Variants in VPS35L observed in about 807,000 individuals in gnomAD.
VPS35L encodes VPS35 endosomal protein sorting factor like, also known as VPS35 endosomal protein-sorting factor-like.
In VPS35L, 83 loss-of-function variants were observed where a neutral mutation model predicts 133.0. The ratio of observed to expected loss-of-function variants is 0.62; its 90% CI spans 0.52 to 0.75. The LOEUF (loss-of-function observed/expected upper bound fraction) is 0.75, where lower values mean the gene tolerates loss of function less well. VPS35L is among the 30% of genes least tolerant of loss of function. The probability of loss-of-function intolerance (pLI) is 0.00; values close to 1 mark genes in which losing one functional copy is unlikely to be tolerated. For missense variants in VPS35L, 1,083 were observed against 1,206.8 expected, an observed-to-expected ratio of 0.90 and a Z score of 1.52; for synonymous variants, 423 against 449.9, an observed-to-expected ratio of 0.94 and a Z score of 0.76.
rs1972596565 is a variant in VPS35L, at chr16:19,608,218, A to G, written c.825A>G (p.Glu275=). The G allele has an allele frequency of 6.2e-7, 1 of 1,613,554 alleles. No individual in the cohort carries two copies. The highest frequency in any genetic ancestry group is 1.3e-5 in the African/African-American group (1 of 74,876). ...SPENANDTAK[E]TCLNWFFKIA... is the part of the protein sequence containing the mutation. ...AGAATGCAAATGACACGGCCAAGGAAACATGCCTAAATTGGTTTTTCAAGA... is the reference window on the plus strand; with the variant it reads ...AGAATGCAAATGACACGGCCAAGGAGACATGCCTAAATTGGTTTTTCAAGA... Residue 275 remains glutamate (E), a synonymous_variant, in exon 10 of 31, where the codon GAA becomes GAG. Coordinates refer to ENST00000417362, the MANE Select transcript of VPS35L (RefSeq NM_020314.7).
chr16:19,556,627 A>C (rs1970864867), intron 1 of VPS35L, among the ~76,000 whole-genome samples: 1 of 152,212 alleles, frequency 6.6e-6, no homozygotes, highest in African/African-American at 2.4e-5. Context: ...AAATGATGTG[A>C]AGTAGCTTAG....
chr16:19,614,986 A>G (rs925903171), intron 12 of VPS35L, among the ~76,000 whole-genome samples: 1 of 152,248 alleles, frequency 6.6e-6, no homozygotes, highest in African/African-American at 2.4e-5. Context: ...ATAAAATTGC[A>G]TAAAATGTAT....
intron 28 of VPS35L, among the ~76,000 whole-genome samples, chr16:19,691,051 A>G (rs1975658553): frequency 6.6e-6 from 1 of 152,102 alleles, no homozygotes; most frequent in Non-Finnish European, 1.5e-5. Context: ...GCCCTAGCCC[A>G]GTGCCTGGCA....
At chr16:19,613,431 T>C (rs1241675779) in intron 12 of VPS35L, among the ~76,000 whole-genome samples, 1 of 152,222 alleles carries the variant, frequency 6.6e-6, no homozygotes. Flanking sequence ...AGGCCAGGGT[T>C]AGTGCAGGCA....
chr16:19,695,531 C>T (rs1975875812), intron 29 of VPS35L, among the ~76,000 whole-genome samples: 1 of 152,012 alleles, frequency 6.6e-6, no homozygotes, highest in Non-Finnish European at 1.5e-5. Flanking sequence ...AGAAAAACAT[C>T]GGTCAGGCAT....
intron 26 of VPS35L, among the ~76,000 whole-genome samples, chr16:19,663,669 C>CT (rs59826351): frequency 0.018 from 1,179 of 63,964 alleles, 54 homozygotes; most frequent in Non-Finnish European, 0.025. Context: ...GCAGTAATTT[C>CT]TTTTTTTTTT....
chr16:19,684,683 G>A (rs547670758), intron 28 of VPS35L, among the ~76,000 whole-genome samples: 2 of 152,164 alleles, frequency 1.3e-5, no homozygotes, highest in African/African-American at 4.8e-5. Flanking sequence ...TATACTCCAG[G>A]GCTTCCGGTA....
At chr16:19,676,695 C>T (rs1360856790) in intron 27 of VPS35L, among the ~76,000 whole-genome samples, 1 of 152,164 alleles carries the variant, frequency 6.6e-6, no homozygotes, top group African/African-American at 2.4e-5. Flanking sequence ...CAGCCATAAA[C>T]ACAGCAAGTT....
chr16:19,605,663 C>T (rs1181124903), intron 9 of VPS35L, among the ~76,000 whole-genome samples: 1 of 152,196 alleles, frequency 6.6e-6, no homozygotes, highest in Non-Finnish European at 1.5e-5. Context: ...TTTCGTAGTT[C>T]AGGGCTCAGC....
chr16:19,592,005 C>G, intron 8 of VPS35L, 131 bp downstream of exon 8: 1 of 664,962 alleles, frequency 1.5e-6, no homozygotes, highest in South Asian at 1.9e-5. Flanking sequence ...AGAGATCAAA[C>G]CGTTCCCCCC....
chr16:19,602,514 C>T (rs2151539450), intron 9 of VPS35L, among the ~76,000 whole-genome samples: 1 of 152,012 alleles, frequency 6.6e-6, no homozygotes, highest in East Asian at 1.9e-4. Flanking sequence ...CCTCTCTCTC[C>T]TCCTCTCTCT....
At chr16:19,562,161 C>G (rs1971049343) in intron 1 of VPS35L, among the ~76,000 whole-genome samples, 2 of 151,960 alleles carry the variant, frequency 1.3e-5, no homozygotes, top group Non-Finnish European at 1.5e-5. Context: ...AGGCTTTATT[C>G]CGGGGGGCTA....
rs542606594 is a variant in VPS35L, at chr16:19,693,095, G to A, written c.2646+1624G>A. ...GTGTCCTACTGACCCTGGGGACCCC[G>A]AGCTGCAGTACCAGAACTCTGAGCA... On this transcript the variant is annotated intron_variant, in intron 29 of 30. Coordinates refer to ENST00000417362, the MANE Select transcript of VPS35L (RefSeq NM_020314.7). Among the ~76,000 whole-genome samples, 193 of 152,306 alleles carry A rather than the reference G, an allele frequency of 1.3e-3. 1 individual carries two copies. Among genetic ancestry groups the A allele is most frequent in the African/African-American group, 4.5e-3 (186 of 41,558 alleles).
chr16:19,658,006 C>T (rs1318328548), intron 26 of VPS35L, among the ~76,000 whole-genome samples: 4 of 152,158 alleles, frequency 2.6e-5, no homozygotes, highest in Non-Finnish European at 5.9e-5. Context: ...CATCTGTCCA[C>T]ACATGATCCA....
intron 14 of VPS35L, among the ~76,000 whole-genome samples, chr16:19,623,769 A>T (rs143032106): frequency 0.011 from 326 of 29,312 alleles, no homozygotes; most frequent in South Asian, 0.048. Context: ...TTATTTATTT[A>T]TTATTATTAT....
At chr16:19,688,453 G>T (rs1975540421) in intron 28 of VPS35L, among the ~76,000 whole-genome samples, 1 of 152,208 alleles carries the variant, frequency 6.6e-6, no homozygotes, top group South Asian at 2.1e-4. Context: ...CACAAAACTG[G>T]ATTAGCCGTG....
chr16:19,674,838 A>G (rs1052493701), intron 27 of VPS35L, among the ~76,000 whole-genome samples: 6 of 152,096 alleles, frequency 3.9e-5, no homozygotes, highest in African/African-American at 1.2e-4. Flanking sequence ...CTTATTTCAC[A>G]TAGTTTAATG....
intron 7 of VPS35L, among the ~76,000 whole-genome samples, chr16:19,585,352 C>G (rs891015095): frequency 5.9e-5 from 9 of 152,028 alleles, no homozygotes; most frequent in African/African-American, 2.2e-4. Context: ...TCTAATTCCT[C>G]CACATCTTCT....
intron 16 of VPS35L, 48 bp downstream of exon 16, chr16:19,627,853 A>G: frequency 7.1e-7 from 1 of 1,418,356 alleles, no homozygotes. Flanking sequence ...AGCGGTGTGT[A>G]TCTGATAGCT....
Sources: allele counts gnomAD v4.1 joint callset (sites outside exome capture counted in the v4.1 genomes callset), GRCh38; gene constraint gnomAD v4.1.1; transcripts MANE v1.5; gene names NCBI Gene and HGNC (gene_info 2026-07-23, HGNC 2026-07-21).